Variants in MOK observed in about 807,000 individuals in gnomAD.
MOK encodes MOK protein kinase.
In MOK, 59 loss-of-function variants were observed where a neutral mutation model predicts 54.2. The observed-to-expected ratio is 1.09, with a 90% CI of 0.88 to 1.35. MOK has a LOEUF of 1.35. Among genes scored for constraint, MOK ranks in the 40% most tolerant of loss-of-function variants. The probability of loss-of-function intolerance (pLI) is 0.00; values close to 1 mark genes in which losing one functional copy is unlikely to be tolerated. For synonymous variants in MOK, 210 were observed against 202.7 expected, an observed-to-expected ratio of 1.04 and a Z score of -0.31; for missense variants, 517 against 526.2, an observed-to-expected ratio of 0.98 and a Z score of 0.17.
At chr14:102,269,189 A>AT (rs561391144) in intron 2 of MOK, among the ~76,000 whole-genome samples, 413 of 144,062 alleles carry the variant, frequency 2.9e-3, no homozygotes, top group Non-Finnish European at 3.5e-3. Flanking sequence ...AAATAAGAGA[A>AT]TTTTTTTTTT....
At chr14:102,297,858 C>T (rs1240273349) in intron 1 of MOK, among the ~76,000 whole-genome samples, 2 of 152,116 alleles carry the variant, frequency 1.3e-5, no homozygotes, top group Non-Finnish European at 2.9e-5. Context: ...GCACCGGATA[C>T]CCTGCAGTGC....
chr14:102,246,327 T>C (rs1003508275), intron 7 of MOK: 23 of 152,134 alleles, frequency 1.5e-4, no homozygotes, highest in Non-Finnish European at 3.1e-4. Context: ...ATCGACCTTT[T>C]CTTCCAAGGC....
Position 102,283,458 on chromosome 14 carries a change from A to C in MOK, c.122+20T>G, listed in dbSNP as rs1373014790. The stretch of plus-strand genomic sequence containing the variant: ...AAACTTGGATCTGTGTTTGGTCCCA[A>C]GTGCATCTCTGTAGCCTACCTTTCA... On this transcript the variant is annotated intron_variant, in intron 2 of 11. Transcript: ENST00000361847. The C allele has an allele frequency of 6.5e-7, 1 of 1,541,962 alleles. No homozygotes were observed. The highest frequency in any genetic ancestry group is 8.9e-7 in the Non-Finnish European group (1 of 1,125,550).
At chr14:102,225,855 C>T (rs1444831646), downstream of MOK, 2 of 174,960 alleles carry the variant, frequency 1.1e-5, no homozygotes, top group Non-Finnish European at 2.5e-5. Context: ...CATGCCCTCA[C>T]TCAGGTGCCC....
chr14:102,273,506 G>A (rs2068575231), intron 2 of MOK, among the ~76,000 whole-genome samples: 1 of 152,066 alleles, frequency 6.6e-6, no homozygotes, highest in African/African-American at 2.4e-5. Flanking sequence ...GTCCAGGCAA[G>A]GTGGCTCACA....
intron 2 of MOK, chr14:102,280,968 A>G (rs1005407919): frequency 6.6e-6 from 1 of 152,326 alleles, no homozygotes; most frequent in Non-Finnish European, 1.5e-5. Context: ...AGGCAAGTGG[A>G]TCGCTTTGAG....
At chr14:102,222,441 C>T (rs372556571), downstream of MOK, among the ~76,000 whole-genome samples, 11 of 152,364 alleles carry the variant, frequency 7.2e-5, no homozygotes, top group East Asian at 1.9e-3. This position sits in a 1 kb window ranked among gnomAD's most constrained non-coding sequence, Gnocchi z 4.4. Flanking sequence ...CGGTCCAGAA[C>T]TGCGGTGCCC....
chr14:102,300,423 CCTGTGGTCCTAACTA>C lies in MOK; in HGVS notation c.7+4524_7+4538del, dbSNP rs1186885365. Among the ~76,000 whole-genome samples the C allele has an allele frequency of 1.3e-4, 19 of 149,756 alleles. No homozygotes were observed. In the East Asian group the frequency reaches 2.9e-3, roughly 23 times the overall value. On this transcript the variant is annotated intron_variant, in intron 1 of 11. Coordinates refer to ENST00000361847, the MANE Select transcript of MOK (RefSeq NM_014226.3). ...AATTAGCTGGGCGAGGAGGCACATG[CCTGTGGTCCTAACTA>C]CTCAGGAGGCTGAGGTGGGAGGATT...
chr14:102,273,253 T>A (rs1391047169), intron 2 of MOK, among the ~76,000 whole-genome samples: 2 of 129,282 alleles, frequency 1.5e-5, no homozygotes, highest in Non-Finnish European at 3.4e-5. Context: ...TAAAAAATCC[T>A]AAGAAAGCAA....
At chr14:102,265,443 C>T (rs909907825) in intron 3 of MOK, among the ~76,000 whole-genome samples, 1 of 152,110 alleles carries the variant, frequency 6.6e-6, no homozygotes, top group Non-Finnish European at 1.5e-5. Context: ...ACCAACCTGG[C>T]CAACATGGTG....
chr14:102,270,360 G>C (rs892045687), intron 2 of MOK, among the ~76,000 whole-genome samples: 23 of 152,346 alleles, frequency 1.5e-4, no homozygotes, highest in African/African-American at 5.5e-4. Context: ...CCAGCACTTT[G>C]GGAGGCCAAG....
At chr14:102,260,277 C>T (rs1450597389) in intron 4 of MOK, among the ~76,000 whole-genome samples, 3 of 151,976 alleles carry the variant, frequency 2.0e-5, no homozygotes, top group East Asian at 1.9e-4. Context: ...ACCCAGGAGG[C>T]GGAAGTTGCA....
At position 102,229,546 on chromosome 14, in the gene MOK, T is replaced by A; in HGVS notation, c.1093A>T (p.Ser365Cys). The stretch of plus-strand genomic sequence containing the variant: ...CCAAGCACGGACTGCAGCGTGGGGC[T>A]GGAGTAAGACGACAGTCTGACCACT... Reference protein sequence around the residue: ...SGVVRLSSYSSPTLQSVLGSG... With the variant: ...SGVVRLSSYSCPTLQSVLGSG... Residue 365 changes from serine (S) to cysteine (C), a missense_variant, in exon 11 of 12, where the codon AGC becomes TGC. Physicochemically the swap from Ser to Cys is moderately radical, Grantham distance 112. Transcript: ENST00000361847. The A allele has an allele frequency of 6.2e-7, 1 of 1,614,192 alleles. No individual in the cohort carries two copies. The highest frequency in any genetic ancestry group is 8.5e-7 in the Non-Finnish European group (1 of 1,180,040).
At chr14:102,297,765 GC>G (rs1341735407) in intron 1 of MOK, among the ~76,000 whole-genome samples, 6 of 152,186 alleles carry the variant, frequency 3.9e-5, no homozygotes, top group African/African-American at 1.4e-4. Context: ...GGCTCAGCGG[GC>G]CCCGCACTAG....
Position 102,278,758 on chromosome 14 carries a change from A to G in MOK, c.122+4720T>C, listed in dbSNP as rs997234475. The G allele has an allele frequency of 3.1e-5, 14 of 455,898 alleles. No homozygotes were observed. The East Asian group carries it at 4.9e-4, about 16-fold the overall frequency. The allele number at this position is 455,898 out of a possible 1,614,324, so 28.2% of individuals were successfully genotyped here. On this transcript the variant is annotated intron_variant, in intron 2 of 11. Transcript: ENST00000361847. ...AGTGAGGATTCAATGACACATGCAT[A>G]TAATTCACCTAGTACTGTTCATGAC...
chr14:102,224,492 C>T (rs2064164774), downstream of MOK: 1 of 441,888 alleles, frequency 2.3e-6, no homozygotes, highest in African/African-American at 2.0e-5. Context: ...AAATCATATA[C>T]AACTGGATCC....
intron 8 of MOK, chr14:102,233,070 A>G (rs766638132): frequency 6.1e-6 from 1 of 164,642 alleles, no homozygotes; most frequent in Non-Finnish European, 1.3e-5. Flanking sequence ...TATGCTAAAA[A>G]TGTAAGAAAA....
At chr14:102,275,521 G>A (rs369878374) in intron 2 of MOK, among the ~76,000 whole-genome samples, 4 of 141,628 alleles carry the variant, frequency 2.8e-5, no homozygotes, top group East Asian at 2.0e-4. Context: ...CAGAGATAGC[G>A]CCACTGCAGT....
Position 102,229,386 on chromosome 14 carries a change from G to C in MOK, c.1183-20C>G. 2 of 1,613,966 alleles carry C rather than the reference G, an allele frequency of 1.2e-6. No homozygotes were observed. The highest frequency in any genetic ancestry group is 1.1e-5 in the South Asian group (1 of 91,084). On this transcript the variant is annotated intron_variant, in intron 11 of 11. Coordinates refer to ENST00000361847, the MANE Select transcript of MOK (RefSeq NM_014226.3). The stretch of plus-strand genomic sequence containing the variant: ...ATCTGTCTGTCAAAGAAAAATTACA[G>C]ACACAAAATTCAGTGGCGGCCTGGG...
Sources: allele counts gnomAD v4.1 joint callset (sites outside exome capture counted in the v4.1 genomes callset), GRCh38; gene constraint gnomAD v4.1.1; non-coding constraint Gnocchi (gnomAD v3.1); transcripts MANE v1.5; gene names NCBI Gene and HGNC (gene_info 2026-07-23, HGNC 2026-07-21).